FTCDNL1: variants seen among roughly 807,000 people sequenced by gnomAD.
FTCDNL1 encodes formiminotransferase N-terminal subdomain-containing protein.
FTCDNL1 carries 11 observed loss-of-function variants against 5.9 expected under a neutral mutation model. The ratio of observed to expected loss-of-function variants is 1.87; its 90% CI spans 1.18 to 3.10. The LOEUF is 3.10. FTCDNL1 is among the 30% of genes most tolerant of loss of function. The probability of loss-of-function intolerance (pLI) is 0.00; values close to 1 mark genes in which losing one functional copy is unlikely to be tolerated. For missense variants in FTCDNL1, 115 were observed against 65.5 expected (o/e 1.76, Z -2.61); for synonymous variants, 58 against 24.8 (o/e 2.34, Z -3.99).
chr2:199,690,919 T>C, the FTCDNL1 span, among the ~76,000 whole-genome samples: 1 of 152,302 alleles, frequency 6.6e-6, no homozygotes, highest in African/African-American at 2.4e-5. Context: ...TCCAATGTAA[T>C]TTGCATGCCC....
At chr2:199,834,510 T>C (rs891174110) in intron 3 of FTCDNL1, among the ~76,000 whole-genome samples, 1 of 152,042 alleles carries the variant, frequency 6.6e-6, no homozygotes, top group Non-Finnish European at 1.5e-5. Flanking sequence ...AAACACACAT[T>C]ACAGGCCACT....
chr2:199,815,991 C>T (rs1701328496), intron 4 of FTCDNL1, among the ~76,000 whole-genome samples: 1 of 142,774 alleles, frequency 7.0e-6, no homozygotes, highest in Non-Finnish European at 1.5e-5. Context: ...CAGAGCGAGA[C>T]TCCATCTCAA....
At chr2:199,829,355 G>T (rs925799640) in intron 3 of FTCDNL1, among the ~76,000 whole-genome samples, 24 of 152,164 alleles carry the variant, frequency 1.6e-4, no homozygotes, top group African/African-American at 5.8e-4. Flanking sequence ...GACCTTATTT[G>T]CTATAAAATA....
intron 3 of FTCDNL1, among the ~76,000 whole-genome samples, chr2:199,798,882 A>C (rs1407600242): frequency 6.6e-6 from 1 of 152,254 alleles, no homozygotes; most frequent in East Asian, 1.9e-4. Flanking sequence ...AAAGCCCCAC[A>C]TTGTACCAAT....
At chr2:199,722,800 G>C in the FTCDNL1 span, among the ~76,000 whole-genome samples, 1 of 152,040 alleles carries the variant, frequency 6.6e-6, no homozygotes, top group South Asian at 2.1e-4. Flanking sequence ...TGATTTCCTT[G>C]AGCAGTGTTT....
intron 3 of FTCDNL1, among the ~76,000 whole-genome samples, chr2:199,767,449 A>G (rs1698589466): frequency 1.3e-5 from 2 of 152,200 alleles, no homozygotes; most frequent in South Asian, 4.1e-4. Flanking sequence ...TATTAACTCA[A>G]TCTTTTAGGA....
At chr2:199,669,115 A>G in the FTCDNL1 span, among the ~76,000 whole-genome samples, 1 of 152,198 alleles carries the variant, frequency 6.6e-6, no homozygotes, top group Non-Finnish European at 1.5e-5. Context: ...TCACTAGGAA[A>G]TAAATTCAAC....
chr2:199,701,533 C>T, the FTCDNL1 span, among the ~76,000 whole-genome samples: 3 of 151,944 alleles, frequency 2.0e-5, no homozygotes, highest in African/African-American at 7.3e-5. Context: ...GCACTGTTCA[C>T]AATAGCAAAG....
the FTCDNL1 span, among the ~76,000 whole-genome samples, chr2:199,666,049 G>T: frequency 6.6e-6 from 1 of 152,192 alleles, no homozygotes; most frequent in Non-Finnish European, 1.5e-5. Flanking sequence ...TCACTTCCTT[G>T]TGATTTAACC....
At chr2:199,679,786 T>G in the FTCDNL1 span, among the ~76,000 whole-genome samples, 1 of 152,136 alleles carries the variant, frequency 6.6e-6, no homozygotes, top group African/African-American at 2.4e-5. Context: ...TATCCTTTCC[T>G]GCATTTGATA....
intron 3 of FTCDNL1, among the ~76,000 whole-genome samples, chr2:199,822,013 C>A (rs534260340): frequency 6.6e-6 from 1 of 152,218 alleles, no homozygotes; most frequent in Non-Finnish European, 1.5e-5. Flanking sequence ...TTTGGTTTCC[C>A]AGTGCATATA....
At chr2:199,678,204 C>A in the FTCDNL1 span, among the ~76,000 whole-genome samples, 1 of 150,170 alleles carries the variant, frequency 6.7e-6, no homozygotes, top group Non-Finnish European at 1.5e-5. Flanking sequence ...TTGCAAAATT[C>A]CAGAGAGGAC....
chr2:199,825,996 G>A (rs1262632170), intron 3 of FTCDNL1, among the ~76,000 whole-genome samples: 1 of 148,472 alleles, frequency 6.7e-6, no homozygotes, highest in African/African-American at 2.4e-5. Flanking sequence ...CCATAACTTA[G>A]TGTAACTCAC....
chr2:199,783,607 C>A (rs1384249157), intron 3 of FTCDNL1, among the ~76,000 whole-genome samples: 1 of 152,110 alleles, frequency 6.6e-6, no homozygotes, highest in Non-Finnish European at 1.5e-5. Flanking sequence ...TCTCCCTTAT[C>A]CAGATTTATG....
intron 3 of FTCDNL1, among the ~76,000 whole-genome samples, chr2:199,791,244 T>A (rs1465940177): frequency 6.6e-6 from 1 of 151,802 alleles, no homozygotes; most frequent in Non-Finnish European, 1.5e-5. Context: ...TTAAAAGATA[T>A]CATTTGTCAA....
Position 199,819,579 on chromosome 2 carries a change from A to G in FTCDNL1, c.390T>C (p.Gly130=). The G allele has an allele frequency of 1.4e-6, 1 of 702,084 alleles. No homozygotes were observed. The highest frequency in any genetic ancestry group is 2.3e-4 in the Middle Eastern group (1 of 4,364). The allele number at this position is 702,084 out of a possible 1,614,324, so 43.5% of individuals were successfully genotyped here. The change falls in exon 4 of 5, where the codon GGT becomes GGC. Residue 130 remains glycine, a synonymous_variant. Coordinates refer to ENST00000420128, the MANE Select transcript of FTCDNL1 (RefSeq NM_001363886.2). ...AAAAACCATGCTCAGAACCTGTTAAACCACATCTTTGGGAAGGGGCAGCTC... is the reference window on the plus strand; with the variant it reads ...AAAAACCATGCTCAGAACCTGTTAAGCCACATCTTTGGGAAGGGGCAGCTC... The part of the protein sequence containing the change: ...DLGAAPSQRC[G]LTACFRAL
chr2:199,675,951 T>C, the FTCDNL1 span, among the ~76,000 whole-genome samples: 2 of 152,164 alleles, frequency 1.3e-5, no homozygotes, highest in Admixed American at 6.5e-5. Flanking sequence ...GGGGTCTCAC[T>C]GTGTTGCCCA....
the FTCDNL1 span, among the ~76,000 whole-genome samples, chr2:199,730,109 C>T: frequency 6.6e-6 from 1 of 152,136 alleles, no homozygotes; most frequent in Non-Finnish European, 1.5e-5. Context: ...GAAAGGATTC[C>T]CTATTTAATA....
At chr2:199,796,894 C>T (rs1208548329) in intron 3 of FTCDNL1, among the ~76,000 whole-genome samples, 2 of 152,138 alleles carry the variant, frequency 1.3e-5, no homozygotes, top group Non-Finnish European at 2.9e-5. Flanking sequence ...AGTTGTAGGA[C>T]TATACGCCTT....
Sources: gnomAD v4.1 joint callset for allele counts (sites outside exome capture counted in the v4.1 genomes callset) on GRCh38, gnomAD v4.1.1 for gene constraint, MANE v1.5 for transcripts, NCBI Gene and HGNC (gene_info 2026-07-23, HGNC 2026-07-21) for gene names.